The following SEMA6D variants were observed in gnomAD, a reference collection of about 807,000 sequenced individuals.
The protein encoded by SEMA6D is semaphorin-6D.
A neutral mutation model predicts 106.6 loss-of-function variants in SEMA6D; 35 were observed. The ratio of observed to expected loss-of-function variants is 0.33; its 90% confidence interval spans 0.25 to 0.44. The LOEUF (loss-of-function observed/expected upper bound fraction) is 0.44, where lower values mean the gene tolerates loss of function less well. SEMA6D is among the 20% of genes least tolerant of loss of function. The probability of loss-of-function intolerance (pLI) is 1.00; values close to 1 mark genes in which losing one functional copy is unlikely to be tolerated. For missense variants in SEMA6D, 1,185 were observed against 1,345.9 expected, an observed-to-expected ratio of 0.88 and a Z score of 1.87; for synonymous variants, 499 against 487.7, an observed-to-expected ratio of 1.02 and a Z score of -0.31.
chr15:47,395,899 C>T (rs144263743), intron 1 of SEMA6D, among the ~76,000 whole-genome samples: 1 of 152,244 alleles, frequency 6.6e-6, no homozygotes, highest in East Asian at 1.9e-4. Flanking sequence ...TGTTTGCATC[C>T]CTCCAGAATT....
chr15:47,260,981 G>A (rs1001817130), intron 1 of SEMA6D, among the ~76,000 whole-genome samples: 4 of 152,038 alleles, frequency 2.6e-5, no homozygotes, highest in South Asian at 2.1e-4. Flanking sequence ...TTGCTTTGCC[G>A]TTCCTTTATT....
intron 4 of SEMA6D, among the ~76,000 whole-genome samples, chr15:47,680,894 A>G (rs1053225227): frequency 6.6e-6 from 1 of 152,220 alleles, no homozygotes; most frequent in Admixed American, 6.5e-5. Context: ...ATGAGGTATC[A>G]CCTCACATAT....
rs1369646 is a variant in SEMA6D at position 47,481,694 on chromosome 15, G to T, written c.-87+11149G>T. On this transcript the variant is annotated intron_variant, in intron 3 of 19. Coordinates refer to the SEMA6D transcript ENST00000558014. ...GTGCTCTGAACAGGAGGGGAAGATT[G>T]TTCTGCCTTAGATTGTAATCAGCAT... Among the ~76,000 whole-genome samples, 252 of 152,274 alleles carry T rather than the reference G, an allele frequency of 1.7e-3. 2 individuals are homozygous for T. Among genetic ancestry groups the T allele is most frequent in the African/African-American group, 5.7e-3 (235 of 41,560 alleles).
intron 1 of SEMA6D, among the ~76,000 whole-genome samples, chr15:47,390,025 GTC>G (rs964811008): frequency 6.6e-6 from 1 of 152,052 alleles, no homozygotes; most frequent in African/African-American, 2.4e-5. Flanking sequence ...TTTATATACT[GTC>G]TCTCTTAGTT....
intron 3 of SEMA6D, among the ~76,000 whole-genome samples, chr15:47,592,718 A>G (rs887484024): frequency 6.6e-6 from 1 of 152,196 alleles, no homozygotes; most frequent in African/African-American, 2.4e-5. Context: ...TCATGAAAAG[A>G]TTGTAGAATT....
intron 4 of SEMA6D, among the ~76,000 whole-genome samples, chr15:47,644,661 C>T (rs1049077918): frequency 2.2e-4 from 33 of 152,174 alleles, no homozygotes; most frequent in African/African-American, 7.2e-4. Flanking sequence ...AGAAGGCCCT[C>T]GCCAGACACC....
At chr15:47,707,962 C>G (rs1460287716) in intron 4 of SEMA6D, among the ~76,000 whole-genome samples, 1 of 152,186 alleles carries the variant, frequency 6.6e-6, no homozygotes, top group Admixed American at 6.5e-5. Context: ...ACATCCCCTT[C>G]CCTGACACTC....
intron 1 of SEMA6D, among the ~76,000 whole-genome samples, chr15:47,396,058 C>T (rs1209575007): frequency 1.3e-5 from 2 of 152,072 alleles, no homozygotes; most frequent in Non-Finnish European, 2.9e-5. Context: ...AACACCAGAG[C>T]TTTTTTTGTC....
At chr15:47,388,753 G>C (rs1302049872) in intron 1 of SEMA6D, among the ~76,000 whole-genome samples, 3 of 152,004 alleles carry the variant, frequency 2.0e-5, no homozygotes, top group African/African-American at 7.3e-5. Context: ...AAATGTAAAA[G>C]AGAAAAGGAG....
chr15:47,658,973 A>G (rs1185717113), intron 4 of SEMA6D, among the ~76,000 whole-genome samples: 1 of 152,126 alleles, frequency 6.6e-6, no homozygotes, highest in Non-Finnish European at 1.5e-5. Context: ...CATGATTTTT[A>G]CGAAGAAAAC....
At chr15:47,339,406 T>C (rs1476687074) in intron 1 of SEMA6D, among the ~76,000 whole-genome samples, 2 of 152,092 alleles carry the variant, frequency 1.3e-5, no homozygotes, top group East Asian at 3.9e-4. Flanking sequence ...AGTGTTGGAA[T>C]TGAATTCGAA....
At chr15:47,498,558 G>A in intron 3 of SEMA6D, among the ~76,000 whole-genome samples, 1 of 152,090 alleles carries the variant, frequency 6.6e-6, no homozygotes, top group Non-Finnish European at 1.5e-5. Flanking sequence ...GTATTATTTA[G>A]GAGATAATAT....
At chr15:47,419,100 C>T (rs2140380882) in intron 2 of SEMA6D, among the ~76,000 whole-genome samples, 2 of 152,218 alleles carry the variant, frequency 1.3e-5, no homozygotes, top group Middle Eastern at 6.8e-3. Flanking sequence ...GTCTCAGAGA[C>T]ACAGAGAGTG....
At chr15:47,467,582 GA>G (rs1170298339) in intron 2 of SEMA6D, among the ~76,000 whole-genome samples, 5 of 152,166 alleles carry the variant, frequency 3.3e-5, no homozygotes, top group African/African-American at 1.2e-4. Context: ...GGAAGGGATG[GA>G]AAAAAAGCTG....
intron 1 of SEMA6D, among the ~76,000 whole-genome samples, chr15:47,402,593 A>G (rs755045337): frequency 6.6e-6 from 1 of 152,198 alleles, no homozygotes; most frequent in East Asian, 1.9e-4. Context: ...TGCACAGCTA[A>G]TAAGTGGAAA....
intron 4 of SEMA6D, among the ~76,000 whole-genome samples, chr15:47,608,722 C>T (rs1195211326): frequency 2.0e-5 from 3 of 152,054 alleles, no homozygotes; most frequent in East Asian, 3.9e-4. Context: ...CCAAATTCAA[C>T]AATAATTCAA....
At chr15:47,464,518 A>C (rs2042603350) in intron 2 of SEMA6D, among the ~76,000 whole-genome samples, 2 of 152,072 alleles carry the variant, frequency 1.3e-5, no homozygotes, top group Admixed American at 6.6e-5. Flanking sequence ...AGATCAGCCA[A>C]CAGTGTATTC....
At chr15:47,554,940 C>T (rs1436484462) in intron 3 of SEMA6D, among the ~76,000 whole-genome samples, 1 of 152,126 alleles carries the variant, frequency 6.6e-6, no homozygotes, top group African/African-American at 2.4e-5. Flanking sequence ...AAAGATAAGA[C>T]TTGAGCTTCA....
chr15:47,214,999 T>C (rs2030428293), intron 1 of SEMA6D, among the ~76,000 whole-genome samples: 1 of 151,678 alleles, frequency 6.6e-6, no homozygotes, highest in South Asian at 2.1e-4. Context: ...GCATGATCTG[T>C]CTATAAGCAG....
Sources: gnomAD v4.1 joint callset for allele counts (sites outside exome capture counted in the v4.1 genomes callset) on GRCh38, gnomAD v4.1.1 for gene constraint, MANE v1.5 for transcripts, NCBI Gene and HGNC (gene_info 2026-07-23, HGNC 2026-07-21) for gene names.